Variants in FLNA observed in about 807,000 individuals in gnomAD.
The protein encoded by FLNA is filamin A, also known as filamin-A.
Under a neutral mutation model 157.6 loss-of-function variants are expected in FLNA, and 7 were observed. The observed-to-expected ratio is 0.04, with a 90% CI of 0.03 to 0.08. The LOEUF is 0.08. Among genes scored for constraint, FLNA ranks in the 10% least tolerant of loss-of-function variants. FLNA has a pLI of 1.00. For missense variants in FLNA, 1,750 were observed against 2,398.4 expected (o/e 0.73, Z 5.65); for synonymous variants, 1,103 against 1,060.8 (o/e 1.04, Z -0.77).
rs782374416 is a variant in FLNA at position 154,361,434 on chromosome X, G to C, written c.3081C>G (p.Asp1027Glu). Residue 1027 changes from aspartate to glutamate, a missense_variant, in exon 21 of 48, where the codon GAC (aspartate) becomes GAG (glutamate). Physicochemically the swap from Asp to Glu is conservative, Grantham distance 45. This residue lies in a region of FLNA where 648 missense variants were observed against 805.8 expected (regional missense o/e 0.80). Coordinates refer to ENST00000369850, the MANE Select transcript of FLNA (RefSeq NM_001110556.2). ...PCKVEPGLGA[D>E]NSVVRFLPRE... ...GGGGCAGGAAGCGCACCACACTGTT[G>C]TCAGCCCCCAGGCCTGGCTCCACCT... 8.3e-6 allele frequency: 10 copies of C among 1,211,031 alleles called. No individual in the cohort carries two copies. The highest frequency in any genetic ancestry group is 6.7e-6 in the Non-Finnish European group (6 of 895,402).
chrX:154,355,103 G>A, intron 30 of FLNA, 31 bp from the exon 31 acceptor site: 1 of 1,189,736 alleles, frequency 8.4e-7, no homozygotes, highest in Non-Finnish European at 1.1e-6. Context: ...CCCAAAGGGG[G>A]GCCAGCGTGT....
In FLNA at chrX:154,370,976, G is replaced by A. The variant is rs781987195; in HGVS notation, c.270C>T (p.His90=). 29 of 1,210,929 alleles carry A rather than the reference G, an allele frequency of 2.4e-5. No homozygotes were observed. In the South Asian group the frequency reaches 5.1e-4, roughly 21 times the overall value. ...LLEVLSQKKM[H]RKHNQRPTFR... is the part of the protein sequence containing the mutation. ...AAGTGGGCCGCTGGTTGTGCTTGCG[G>A]TGCATCTTCTTCTGGCTGAGCACCT... is the stretch of plus-strand genomic sequence containing the variant. Residue 90 remains histidine (H), a synonymous_variant, in exon 2 of 48, where the codon CAC becomes CAT. Transcript: ENST00000369850.
At position 154,352,633 on chromosome X, in the gene FLNA, T is replaced by C; in HGVS notation, c.6422A>G (p.Lys2141Arg). The C allele has an allele frequency of 8.3e-7, 1 of 1,211,428 alleles. No homozygotes were observed. The highest frequency in any genetic ancestry group is 1.7e-5 in the African/African-American group (1 of 57,934). Residue 2141 changes from lysine to arginine, a missense_variant, in exon 40 of 48, where the codon AAA (lysine) becomes AGA (arginine). By Grantham distance (26) the Lys-to-Arg change is conservative (BLOSUM62 2). Transcript: ENST00000369850. ...CCGACGCCTGCGGGTGATGCTCTCT[T>C]TCACCCGGCCCTCGCCTGTCACCTT... is the stretch of plus-strand genomic sequence containing the variant. Reference protein sequence around the residue: ...SVKVTGEGRVKESITRRRRAP... With the variant: ...SVKVTGEGRVRESITRRRRAP...
rs1316728977 is a variant in FLNA, at chrX:154,355,017, G to A, written c.5025C>T (p.Asp1675=). ...CTTTGCCTTTGCCTGCCGCCTTAGTGTCCACAGTGATCACCGTCTCCTCCC... is the reference window on the plus strand; with the variant it reads ...CTTTGCCTTTGCCTGCCGCCTTAGTATCCACAGTGATCACCGTCTCCTCCC... The part of the protein sequence containing the change: ...QIGEETVITV[D]TKAAGKGKVT... Residue 1675 remains aspartate, a synonymous_variant, in exon 31 of 48, where the codon GAC becomes GAT. Transcript: ENST00000369850. 1 of 1,211,469 alleles carries A rather than the reference G, an allele frequency of 8.3e-7. No homozygotes were observed. The highest frequency in any genetic ancestry group is 1.7e-5 in the African/African-American group (1 of 58,019).
chrX:154,369,401 C>A (rs1557179913), intron 2 of FLNA, among the ~76,000 whole-genome samples: 1 of 112,042 alleles, frequency 8.9e-6, no homozygotes, highest in East Asian at 2.8e-4. Context: ...CCCACCAGGT[C>A]CATGTTAGGC....
At position 154,349,763 on chromosome X, in the gene FLNA, G is replaced by A. The variant is rs1557175373; in HGVS notation, c.7438C>T (p.Pro2480Ser). The change falls in exon 46 of 48, where the codon CCT becomes TCT. Residue 2480 changes from proline (P) to serine (S), a missense_variant. By Grantham distance (74) the Pro-to-Ser change is moderately conservative. This residue lies in a region of FLNA where 970 missense variants were observed against 1,302.6 expected (regional missense o/e 0.74). Transcript: ENST00000369850. The part of the protein sequence containing the change: ...SKVKMDCQEC[P>S]EGYRVTYTPM... ...GTATAGGTGACGCGGTAGCCCTCAGGGCACTCCTGGCAATCCATCTTCACC... is the reference window on the plus strand; with the variant it reads ...GTATAGGTGACGCGGTAGCCCTCAGAGCACTCCTGGCAATCCATCTTCACC... The A allele has an allele frequency of 8.3e-7, 1 of 1,211,311 alleles. No homozygotes were observed. Among genetic ancestry groups the A allele is most frequent in the Non-Finnish European group, 1.1e-6 (1 of 895,220 alleles).
rs782541746 is a variant in FLNA at position 154,350,197 on chromosome X, A to C, written c.7167T>G (p.Ala2389=). 31 of 1,210,391 alleles carry C rather than the reference A, an allele frequency of 2.6e-5. No individual in the cohort carries two copies. The highest frequency in any genetic ancestry group is 1.1e-6 in the Non-Finnish European group (1 of 895,062). Residue 2389 remains alanine, a synonymous_variant, in exon 45 of 48, where the codon GCT becomes GCG. Transcript: ENST00000369850. ...CATTCTCCCGAGGGATGAAGCGCAC[A>C]GCATACTTATCTGAGGAGCAGGGAG... is the stretch of plus-strand genomic sequence containing the variant. ...YVTEIDQDKY[A]VRFIPRENGV...
intron 43 of FLNA, 128 bp from the exon 44 acceptor site, chrX:154,351,169 G>C (rs2067615772): frequency 1.3e-6 from 1 of 745,041 alleles, no homozygotes; most frequent in South Asian, 2.3e-5. Context: ...GTTTAAAGAG[G>C]GAGAGCCACT....
intron 9 of FLNA, 22 bp downstream of exon 9, chrX:154,366,002 G>C (rs1557179113): frequency 2.6e-6 from 3 of 1,176,083 alleles, no homozygotes; most frequent in East Asian, 3.0e-5. Context: ...CCACAGCAGA[G>C]GGCAGTCAGG....
chrX:154,367,580 C>T (rs1221431261), intron 4 of FLNA, 36 bp from the exon 5 acceptor site: 11 of 1,209,687 alleles, frequency 9.1e-6, no homozygotes, highest in African/African-American at 3.5e-5. Flanking sequence ...ATCGGGCCTC[C>T]GAGTCTCTCC....
At position 154,362,161 on chromosome X, in the gene FLNA, C is replaced by G; in HGVS notation, c.2657-13G>C. The G allele has an allele frequency of 8.3e-7, 1 of 1,211,458 alleles. No homozygotes were observed. The highest frequency in any genetic ancestry group is 1.1e-6 in the Non-Finnish European group (1 of 895,203). ...CCAAGCTCGACACCTGAGGAACACACAGGGACCATGTAGGGGCACCCTGCC... is the reference window on the plus strand; with the variant it reads ...CCAAGCTCGACACCTGAGGAACACAGAGGGACCATGTAGGGGCACCCTGCC... On this transcript the variant is annotated splice_polypyrimidine_tract_variant and intron_variant, in intron 18 of 47. Transcript: ENST00000369850.
At chrX:154,370,831 G>A (rs1557180158) in intron 2 of FLNA, 42 bp downstream of exon 2, 1 of 1,196,745 alleles carries the variant, frequency 8.4e-7, no homozygotes. Flanking sequence ...GACGCACGGA[G>A]TCCCCGCCCC....
At chrX:154,356,054 G>A (rs1569551532) in intron 30 of FLNA, among the ~76,000 whole-genome samples, 3 of 112,415 alleles carry the variant, frequency 2.7e-5, no homozygotes, top group Admixed American at 9.3e-5. Context: ...GCTCTCCCAG[G>A]CTCCAGACCT....
At position 154,366,428 on chromosome X, in the gene FLNA, A is replaced by C; in HGVS notation, c.1108T>G (p.Phe370Val). Residue 370 changes from phenylalanine to valine, a missense_variant, in exon 8 of 48, where the codon TTC becomes GTC. By Grantham distance (50) the Phe-to-Val change is conservative (BLOSUM62 -1). This residue lies in a region of FLNA where 648 missense variants were observed against 805.8 expected (regional missense o/e 0.80). Coordinates refer to ENST00000369850, the MANE Select transcript of FLNA (RefSeq NM_001110556.2). ...FAGQHIAKSPFEVYVDKSQGD... is the reference protein window; with the variant it reads ...FAGQHIAKSPVEVYVDKSQGD... ...TGTGACTTATCCACGTACACCTCGA[A>C]GGGGCTCTTGGCGATGTGCTGGCCA... is the stretch of plus-strand genomic sequence containing the variant. The C allele has an allele frequency of 8.3e-7, 1 of 1,211,263 alleles. No individual in the cohort carries two copies. Among genetic ancestry groups the C allele is most frequent in the Non-Finnish European group, 1.1e-6 (1 of 895,181 alleles).
At position 154,360,178 on chromosome X, in the gene FLNA, T is replaced by C. The variant is rs863223622; in HGVS notation, c.3617A>G (p.Glu1206Gly). The C allele has an allele frequency of 8.3e-7, 1 of 1,209,733 alleles. No individual in the cohort carries two copies. Among genetic ancestry groups the C allele is most frequent in the Non-Finnish European group, 1.1e-6 (1 of 894,168 alleles). ...ATCACCGTGGTCCTGGATGTACACC[T>C]CGGCCGGAAGCCCCGCCTCCGAGCA... ...EICSEAGLPA[E>G]VYIQDHGDGT... The change falls in exon 22 of 48, where the codon GAG (glutamate) becomes GGG (glycine). Residue 1206 changes from glutamate (E) to glycine (G), a missense_variant. By Grantham distance (98) the Glu-to-Gly change is moderately conservative (BLOSUM62 -2). This residue lies in a region of FLNA where 970 missense variants were observed against 1,302.6 expected (regional missense o/e 0.74). Transcript: ENST00000369850.
In FLNA at chrX:154,362,226, G is replaced by T; in HGVS notation, c.2656+16C>A. ...CCTTGATGCCCCGCAACCTGCCATG[G>T]GGTACCTGTCCTCACCAGTGCGACT... is the stretch of plus-strand genomic sequence containing the variant. On this transcript the variant is annotated intron_variant, in intron 18 of 47. Coordinates refer to ENST00000369850, the MANE Select transcript of FLNA (RefSeq NM_001110556.2). The T allele has an allele frequency of 8.3e-7, 1 of 1,209,845 alleles. No individual in the cohort carries two copies. The highest frequency in any genetic ancestry group is 1.1e-6 in the Non-Finnish European group (1 of 893,853).
At position 154,352,759 on chromosome X, in the gene FLNA, C is replaced by T. The variant is rs782260496; in HGVS notation, c.6379+13G>A. The T allele has an allele frequency of 3.3e-6, 4 of 1,211,007 alleles. No homozygotes were observed. In the South Asian group the frequency reaches 7.0e-5, roughly 21 times the overall value. On this transcript the variant is annotated intron_variant, in intron 39 of 47. Transcript: ENST00000369850. ...TGTAGTGAGGGGGGCTGCCGAGGCACTGCTGCACTCACCAGGCACGTGCTG... is the reference window on the plus strand; with the variant it reads ...TGTAGTGAGGGGGGCTGCCGAGGCATTGCTGCACTCACCAGGCACGTGCTG...
chrX:154,362,739 C>T lies in FLNA; in HGVS notation c.2326G>A (p.Gly776Ser), dbSNP rs2067722885. 8.3e-7 allele frequency: 1 copy of T among 1,206,325 alleles called. No individual in the cohort carries two copies. ...AGCCCTGTCTTGGCTACTCCGGGGC[C>T]GTATACTTTGACCTTGTTGGGGTGG... is the stretch of plus-strand genomic sequence containing the variant. ...GSHPNKVKVYGPGVAKTGLKA... is the reference protein window; with the variant it reads ...GSHPNKVKVYSPGVAKTGLKA... Residue 776 changes from glycine (G) to serine (S), a missense_variant, in exon 16 of 48, where the codon GGC (glycine) becomes AGC (serine). This residue lies in a region of FLNA where 648 missense variants were observed against 805.8 expected (regional missense o/e 0.80). Coordinates refer to ENST00000369850, the MANE Select transcript of FLNA (RefSeq NM_001110556.2).
At position 154,362,030 on chromosome X, in the gene FLNA, G is replaced by A. The variant is rs781981488; in HGVS notation, c.2775C>T (p.Ile925=). 3 of 1,210,536 alleles carry A rather than the reference G, an allele frequency of 2.5e-6. No homozygotes were observed. Among genetic ancestry groups the A allele is most frequent in the Non-Finnish European group, 3.4e-6 (3 of 894,682 alleles). Residue 925 remains isoleucine, a synonymous_variant, in exon 19 of 48, where the codon ATC becomes ATT. Transcript: ENST00000369850. ...TKGDAVRDVD[I]IDHHDNTYTV... ...TGTAGGTGTTGTCATGGTGGTCGAT[G>A]ATGTCCACATCTCGCACTGCATCCC...
Sources: allele counts gnomAD v4.1 joint callset (sites outside exome capture counted in the v4.1 genomes callset), GRCh38; gene constraint gnomAD v4.1.1; regional missense constraint gnomAD v4.1.1; transcripts MANE v1.5; gene names NCBI Gene and HGNC (gene_info 2026-07-23, HGNC 2026-07-21).